DIO2: variants seen among roughly 807,000 people sequenced by gnomAD.
DIO2 encodes the protein iodothyronine deiodinase 2.
DIO2 carries 19 observed loss-of-function variants against 21.4 expected under a neutral mutation model. That is an observed-to-expected ratio of 0.89 (90% confidence interval 0.62 to 1.30). DIO2 has a LOEUF of 1.30. Among genes scored for constraint, DIO2 ranks in the 50% most tolerant of loss-of-function variants. The pLI is 0.00. For synonymous variants in DIO2, 122 were observed against 132.9 expected (o/e 0.92, Z 0.57); for missense variants, 302 against 338.1 (o/e 0.89, Z 0.84).
At chr14:80,203,638 C>A (rs1309348797) in intron 1 of DIO2, among the ~76,000 whole-genome samples, 2 of 152,222 alleles carry the variant, frequency 1.3e-5, no homozygotes, top group African/African-American at 4.8e-5. Context: ...CATTCTATAA[C>A]AAATGATTAA....
At chr14:80,206,154 A>G (rs927687230) in intron 1 of DIO2, 3 of 911,346 alleles carry the variant, frequency 3.3e-6, no homozygotes, top group Non-Finnish European at 5.0e-6. Context: ...TTATTCATGA[A>G]GGTGCCTAGG....
chr14:80,203,272 T>A lies in DIO2; in HGVS notation c.239A>T (p.Asp80Val), dbSNP rs750567166. The change falls in exon 2 of 2, where the codon GAT becomes GTT. Residue 80 changes from aspartate (D) to valine (V), a missense_variant. By Grantham distance (152) the Asp-to-Val change is radical. Transcript: ENST00000438257. ...DAYKQVKLGE[D>V]APNSSVVHVS... ...ATGCACCACACTGGAATTGGGGGCA[T>A]CCTCACCCAATTTCACCTGACGGTA... 10 of 1,553,164 alleles carry A rather than the reference T, an allele frequency of 6.4e-6. No homozygotes were observed. Among genetic ancestry groups the A allele is most frequent in the Non-Finnish European group, 8.7e-6 (10 of 1,151,054 alleles).
chr14:80,214,084 T>C (rs1888292197), upstream of DIO2, among the ~76,000 whole-genome samples: 1 of 152,208 alleles, frequency 6.6e-6, no homozygotes, highest in South Asian at 2.1e-4. Flanking sequence ...AGGGAGTTGA[T>C]AGCACAGTAT....
intron 2 of DIO2, among the ~76,000 whole-genome samples, chr14:80,227,392 T>C (rs900146300): frequency 2.6e-5 from 4 of 152,198 alleles, no homozygotes; most frequent in African/African-American, 9.7e-5. Context: ...CATTTGATGA[T>C]ACAATGCTGC....
intron 1 of DIO2, chr14:80,206,306 A>G (rs771829080): frequency 2.0e-5 from 32 of 1,569,816 alleles, no homozygotes; most frequent in Non-Finnish European, 2.7e-5. Flanking sequence ...AAATGTGTCC[A>G]TCTTTGCTAA....
chr14:80,214,797 A>T (rs1387977990), upstream of DIO2, among the ~76,000 whole-genome samples: 1 of 152,232 alleles, frequency 6.6e-6, no homozygotes, highest in African/African-American at 2.4e-5. Context: ...TCCTAAGGTG[A>T]CAGAGTATGA....
At chr14:80,212,355 G>T (rs1277460796), upstream of DIO2, among the ~76,000 whole-genome samples, 2 of 152,014 alleles carry the variant, frequency 1.3e-5, no homozygotes, top group Non-Finnish European at 2.9e-5. Flanking sequence ...TTTAGAAGGG[G>T]TTGGGGAGAG....
chr14:80,229,958 G>A (rs535545070), intron 2 of DIO2, among the ~76,000 whole-genome samples: 1 of 152,224 alleles, frequency 6.6e-6, no homozygotes, highest in South Asian at 2.1e-4. Flanking sequence ...GGCCTGCTAG[G>A]ACTTTAGTTA....
chr14:80,224,346 T>C (rs774486759), intron 2 of DIO2, among the ~76,000 whole-genome samples: 2 of 152,168 alleles, frequency 1.3e-5, no homozygotes, highest in Non-Finnish European at 2.9e-5. Context: ...TCCTAATCTC[T>C]GGAACCTGTA....
At chr14:80,229,036 C>T (rs1212827509) in intron 2 of DIO2, among the ~76,000 whole-genome samples, 3 of 152,064 alleles carry the variant, frequency 2.0e-5, no homozygotes, top group African/African-American at 7.2e-5. Context: ...CTCAAGGGGA[C>T]CCAGCCTCCC....
At chr14:80,229,421 C>T (rs1234453084) in intron 2 of DIO2, among the ~76,000 whole-genome samples, 2 of 152,140 alleles carry the variant, frequency 1.3e-5, no homozygotes, top group African/African-American at 4.8e-5. Context: ...CTGTGGTTCT[C>T]ACTGTTAGAT....
chr14:80,213,872 A>C (rs1888287122), upstream of DIO2, among the ~76,000 whole-genome samples: 1 of 152,160 alleles, frequency 6.6e-6, no homozygotes, highest in South Asian at 2.1e-4. Flanking sequence ...ATGAGTTTTG[A>C]ATTTGCATCT....
Position 80,200,695 on chromosome 14 carries a change from C to A in DIO2, c.*1994G>T, listed in dbSNP as rs1027890301. 4.6e-5 allele frequency: 7 copies of A among 152,088 alleles called. No homozygotes were observed. The highest frequency in any genetic ancestry group is 1.7e-4 in the African/African-American group (7 of 41,412). The allele number at this position is 152,088 out of a possible 1,614,324, so 9.4% of individuals were successfully genotyped here. ...TTAGATAATGAAATTTGCTTTGTTT[C>A]TTTGTGGGTGGTTTTTATAGAATTT... On this transcript the variant is annotated 3_prime_UTR_variant, in exon 2 of 2. Coordinates refer to ENST00000438257, the MANE Select transcript of DIO2 (RefSeq NM_013989.5).
In DIO2 at chr14:80,216,891, T is replaced by C. The variant is rs567762318; in HGVS notation, c.-277-154A>G. The stretch of plus-strand genomic sequence containing the variant: ...TTTTAAAATAAAATAGGTCATTCTT[T>C]ATAAATGGCTTTACAGCAGCTTTTT... On this transcript the variant is annotated intron_variant, in intron 2 of 4. Coordinates refer to the DIO2 transcript ENST00000553594. Among the ~76,000 whole-genome samples the C allele has an allele frequency of 4.6e-5, 7 of 152,324 alleles. No homozygotes were observed. In the South Asian group the frequency reaches 1.4e-3, roughly 32 times the overall value.
chr14:80,230,509 C>T (rs185749149), intron 2 of DIO2, among the ~76,000 whole-genome samples: 2 of 152,222 alleles, frequency 1.3e-5, no homozygotes, highest in East Asian at 3.9e-4. Context: ...CATTACTTTC[C>T]CCACTGAACT....
At position 80,198,663 on chromosome 14, in the gene DIO2, T is replaced by C. The variant is rs1417944013; in HGVS notation, c.*4026A>G. 1 of 151,638 alleles carries C rather than the reference T, an allele frequency of 6.6e-6. No homozygotes were observed. The highest frequency in any genetic ancestry group is 2.4e-5 in the African/African-American group (1 of 41,224). The allele number at this position is 151,638 out of a possible 1,614,324, so 9.4% of individuals were successfully genotyped here. On this transcript the variant is annotated 3_prime_UTR_variant, in exon 2 of 2. Coordinates refer to ENST00000438257, the MANE Select transcript of DIO2 (RefSeq NM_013989.5). ...AGAGATTGGTACTTAAGCCCCATTC[T>C]GGAAGCATATATGAAGAGTGGGTTT...
rs1195542147 is a variant in DIO2 at position 80,202,560 on chromosome 14, G to C, written c.*129C>G. 5 of 988,570 alleles carry C rather than the reference G, an allele frequency of 5.1e-6. No homozygotes were observed. Among genetic ancestry groups the C allele is most frequent in the Middle Eastern group, 2.2e-4 (1 of 4,648 alleles). 61.2% of individuals were successfully genotyped at this position (988,570 alleles called of 1,614,324 possible). A position where few individuals can be genotyped will look rare whatever the true frequency, so the allele number is the denominator to read the frequency against. On this transcript the variant is annotated 3_prime_UTR_variant, in exon 2 of 2. Coordinates refer to ENST00000438257, the MANE Select transcript of DIO2 (RefSeq NM_013989.5). ...AAGTATGGAGCTGTTAGAGATTCAT[G>C]TTCTTCCGATAGATAAACTCCTGTC...
At chr14:80,220,928 T>A (rs1052095765) in intron 2 of DIO2, among the ~76,000 whole-genome samples, 3 of 152,196 alleles carry the variant, frequency 2.0e-5, no homozygotes, top group Non-Finnish European at 2.9e-5. Flanking sequence ...ATACAGAGTC[T>A]GTTGTATATG....
intron 1 of DIO2, chr14:80,205,721 T>A (rs1322469188): frequency 1.5e-6 from 2 of 1,306,642 alleles, no homozygotes; most frequent in East Asian, 9.9e-5. Flanking sequence ...TTAGAGTAAG[T>A]ACAACACTGT....
Sources: allele counts gnomAD v4.1 joint callset (sites outside exome capture counted in the v4.1 genomes callset), GRCh38; gene constraint gnomAD v4.1.1; transcripts MANE v1.5; gene names NCBI Gene and HGNC (gene_info 2026-07-23, HGNC 2026-07-21).